Variants in TMEM67 observed in about 807,000 individuals in gnomAD.
TMEM67 encodes the protein transmembrane protein 67, also known as meckelin.
In TMEM67, 124 loss-of-function variants were observed where a neutral mutation model predicts 136.6. That is an observed-to-expected ratio of 0.91 (90% CI 0.78 to 1.05). The LOEUF is 1.05. Ranked by LOEUF, TMEM67 falls within the 50% of genes least tolerant of loss-of-function variation. The pLI is 0.00. For missense variants in TMEM67, 1,107 were observed against 1,178.4 expected, an observed-to-expected ratio of 0.94 and a Z score of 0.89; for synonymous variants, 364 against 390.5, an observed-to-expected ratio of 0.93 and a Z score of 0.80.
chr8:93,791,743 T>C (rs1276049939), intron 15 of TMEM67: 2 of 154,464 alleles, frequency 1.3e-5, no homozygotes, highest in African/African-American at 4.8e-5. Flanking sequence ...GTTCATATAG[T>C]TTTGGCAAAG....
At chr8:93,825,024 CTCT>C in the TMEM67 span, among the ~76,000 whole-genome samples, 1 of 152,188 alleles carries the variant, frequency 6.6e-6, no homozygotes, top group Non-Finnish European at 1.5e-5. Flanking sequence ...GCCTATGAGC[CTCT>C]TCTTTATCTG....
At chr8:93,773,432 A>C (rs1198523930) in intron 7 of TMEM67, among the ~76,000 whole-genome samples, 1 of 152,178 alleles carries the variant, frequency 6.6e-6, no homozygotes, top group Non-Finnish European at 1.5e-5. Flanking sequence ...TGTAGCATGG[A>C]GAATAGAATT....
At position 93,817,577 on chromosome 8, in the gene TMEM67, A is replaced by G. The variant is rs1258685654; in HGVS notation, c.*1125A>G. On this transcript the variant is annotated 3_prime_UTR_variant, in exon 28 of 28. Coordinates refer to ENST00000453321, the MANE Select transcript of TMEM67 (RefSeq NM_153704.6). Reference sequence around the variant, plus strand: ...TGTATCATGTTTCTCACTGCTTTCTATGTTAATGCTGTGTAAATACTTAAA... The same window carrying G: ...TGTATCATGTTTCTCACTGCTTTCTGTGTTAATGCTGTGTAAATACTTAAA... The G allele has an allele frequency of 6.6e-6, 1 of 152,214 alleles. No homozygotes were observed. The highest frequency in any genetic ancestry group is 1.5e-5 in the Non-Finnish European group (1 of 68,034). The allele number at this position is 152,214 out of a possible 1,614,324, so 9.4% of individuals were successfully genotyped here.
At chr8:93,816,235 T>TATCAC in intron 27 of TMEM67, 137 bp from the exon 28 acceptor site, 1 of 461,266 alleles carries the variant, frequency 2.2e-6, no homozygotes, top group Non-Finnish European at 4.0e-6. Flanking sequence ...TAATTTTATG[T>TATCAC]ATCACTATGG....
intron 14 of TMEM67, among the ~76,000 whole-genome samples, chr8:93,790,701 A>G (rs1814336781): frequency 6.6e-6 from 1 of 152,072 alleles, no homozygotes; most frequent in Non-Finnish European, 1.5e-5. Context: ...GGCTTTCTTT[A>G]CCTTGACATT....
chr8:93,831,256 CAG>C, the TMEM67 span, among the ~76,000 whole-genome samples: 1 of 152,192 alleles, frequency 6.6e-6, no homozygotes, highest in Admixed American at 6.5e-5. Context: ...CCAGGGAAGA[CAG>C]GGGGCCTGGA....
chr8:93,787,816 T>G (rs779191451), intron 13 of TMEM67, 28 bp from the exon 14 acceptor site: 2 of 1,515,836 alleles, frequency 1.3e-6, no homozygotes, highest in Non-Finnish European at 1.8e-6. Context: ...ATATACTGAT[T>G]ACTATAAATG....
intron 2 of TMEM67, chr8:93,756,136 C>T (rs1812562870): frequency 3.1e-6 from 1 of 321,862 alleles, no homozygotes; most frequent in East Asian, 7.0e-5. Context: ...TAGAATAACT[C>T]GGTTATGAAG....
At chr8:93,774,795 T>A (rs1813468414) in intron 7 of TMEM67, among the ~76,000 whole-genome samples, 1 of 152,232 alleles carries the variant, frequency 6.6e-6, no homozygotes, top group African/African-American at 2.4e-5. Flanking sequence ...GTCTTTGCTA[T>A]TGTGAATAGT....
intron 15 of TMEM67, 128 bp from the exon 16 acceptor site, chr8:93,793,070 T>C: frequency 2.4e-6 from 2 of 823,010 alleles, no homozygotes; most frequent in Non-Finnish European, 4.1e-6. Context: ...TGTGCCCGGC[T>C]GACTCCTGTG....
intron 18 of TMEM67, among the ~76,000 whole-genome samples, chr8:93,796,773 A>C (rs756776334): frequency 7.2e-5 from 11 of 152,246 alleles, no homozygotes; most frequent in Non-Finnish European, 1.6e-4. Flanking sequence ...TTACTTATAA[A>C]GAAGTCAGCT....
At chr8:93,785,095 A>G in intron 11 of TMEM67, 127 bp from the exon 12 acceptor site, 1 of 711,668 alleles carries the variant, frequency 1.4e-6, no homozygotes, top group Non-Finnish European at 2.4e-6. Flanking sequence ...TTGCAAAACT[A>G]GAAAAACACT....
At chr8:93,768,052 G>C (rs1563682551) in intron 6 of TMEM67, among the ~76,000 whole-genome samples, 1 of 151,290 alleles carries the variant, frequency 6.6e-6, no homozygotes. Context: ...TTTTAGTAGA[G>C]ACAGAGTTTC....
intron 9 of TMEM67, among the ~76,000 whole-genome samples, chr8:93,781,352 C>G (rs965325681): frequency 3.3e-5 from 5 of 152,170 alleles, no homozygotes; most frequent in African/African-American, 9.7e-5. Flanking sequence ...CTACCTGTAA[C>G]TTTTTGACCT....
chr8:93,773,069 TG>T (rs1294864418), intron 7 of TMEM67, among the ~76,000 whole-genome samples: 1 of 151,536 alleles, frequency 6.6e-6, no homozygotes, highest in Non-Finnish European at 1.5e-5. Context: ...ATAGATGGGG[TG>T]GGGGGTGCTA....
Position 93,788,990 on chromosome 8 carries a change from T to TA in TMEM67, c.1518+1050dup, listed in dbSNP as rs199738830. ...GGGGTAAATGAGAGAGGGATAGAGGTAAAAAAAAACAGAGGTAATTCTTCT... is the reference window on the plus strand; with the variant it reads ...GGGGTAAATGAGAGAGGGATAGAGGTAAAAAAAAAACAGAGGTAATTCTTCT... On this transcript the variant is annotated intron_variant, in intron 14 of 27. Transcript: ENST00000453321. Among the ~76,000 whole-genome samples the TA allele has an allele frequency of 1.9e-3, 280 of 151,084 alleles. 1 individual carries two copies. Among genetic ancestry groups the TA allele is most frequent in the African/African-American group, 5.4e-3 (222 of 41,172 alleles).
At chr8:93,764,424 A>G (rs766526167) in intron 4 of TMEM67, among the ~76,000 whole-genome samples, 4 of 152,134 alleles carry the variant, frequency 2.6e-5, no homozygotes, top group Non-Finnish European at 5.9e-5. Context: ...AATGTATGCT[A>G]ATAATAGCCC....
intron 19 of TMEM67, 31 bp downstream of exon 19, chr8:93,797,264 A>G: frequency 1.2e-6 from 2 of 1,612,654 alleles, no homozygotes; most frequent in African/African-American, 2.7e-5. Flanking sequence ...TTGTACCAAA[A>G]TTCTTTTGCT....
At chr8:93,795,540 A>C in intron 17 of TMEM67, 33 bp downstream of exon 17, 1 of 1,487,640 alleles carries the variant, frequency 6.7e-7, no homozygotes, top group Non-Finnish European at 9.4e-7. Flanking sequence ...CCCAACTGCC[A>C]ATATCTGAAT....
Sources: allele counts gnomAD v4.1 joint callset (sites outside exome capture counted in the v4.1 genomes callset), GRCh38; gene constraint gnomAD v4.1.1; transcripts MANE v1.5; gene names NCBI Gene and HGNC (gene_info 2026-07-23, HGNC 2026-07-21).